Variants in PDE6C observed in about 807,000 individuals in gnomAD.
The protein encoded by PDE6C is phosphodiesterase 6C.
In PDE6C, 75 loss-of-function variants were observed where a neutral mutation model predicts 113.1. The observed-to-expected ratio is 0.66, with a 90% CI of 0.55 to 0.80. The LOEUF (loss-of-function observed/expected upper bound fraction) is 0.80, where lower values mean the gene tolerates loss of function less well. Ranked by LOEUF, PDE6C falls within the 30% of genes least tolerant of loss-of-function variation. The probability of loss-of-function intolerance (pLI) is 0.00; values close to 1 mark genes in which losing one functional copy is unlikely to be tolerated. For synonymous variants in PDE6C, 375 were observed against 363.7 expected (o/e 1.03, Z -0.35); for missense variants, 912 against 1,038.6 (o/e 0.88, Z 1.67).
At position 93,629,481 on chromosome 10, in the gene PDE6C, G is replaced by A. The variant is rs917773198; in HGVS notation, c.1119+176G>A. On this transcript the variant is annotated intron_variant, in intron 8 of 21. Coordinates refer to ENST00000371447, the MANE Select transcript of PDE6C (RefSeq NM_006204.4). ...GCAAGTAGCAGATTCTTCAGTGAAG[G>A]AAGAAAAGAAGGTTAAGACAGAAGG... 4.9e-4 allele frequency among the ~76,000 whole-genome samples: 75 copies of A among 152,264 alleles called. 1 individual carries two copies. The highest frequency in any genetic ancestry group is 2.1e-4 in the South Asian group (1 of 4,830).
At chr10:93,639,008 A>G (rs1355085298) in intron 11 of PDE6C, among the ~76,000 whole-genome samples, 1 of 152,186 alleles carries the variant, frequency 6.6e-6, no homozygotes, top group Non-Finnish European at 1.5e-5. Flanking sequence ...CCCTTTCCCT[A>G]TGTTTGTGTC....
At chr10:93,622,975 A>G (rs977656820) in intron 4 of PDE6C, among the ~76,000 whole-genome samples, 1 of 152,164 alleles carries the variant, frequency 6.6e-6, no homozygotes, top group East Asian at 1.9e-4. Context: ...TTTCAACTCA[A>G]TTGGGTAAAT....
chr10:93,640,691 G>A, intron 13 of PDE6C, 134 bp downstream of exon 13: 1 of 757,536 alleles, frequency 1.3e-6, no homozygotes, highest in East Asian at 2.6e-5. Flanking sequence ...CGCTGCAGAT[G>A]AGTCCCAGTA....
chr10:93,620,738 C>G lies in PDE6C; in HGVS notation c.587C>G (p.Ala196Gly), dbSNP rs1297759325. 1 of 1,614,090 alleles carries G rather than the reference C, an allele frequency of 6.2e-7. No individual in the cohort carries two copies. The highest frequency in any genetic ancestry group is 8.5e-7 in the Non-Finnish European group (1 of 1,180,012). Reference protein sequence around the residue: ...VGKEVLAVIMAVNKVNASEFS... With the variant: ...VGKEVLAVIMGVNKVNASEFS... ...AAGGAGGTTCTTGCTGTGATCATGG[C>G]AGTTAACAAAGTAAATGCATCTGAA... Residue 196 changes from alanine to glycine, a missense_variant, in exon 2 of 22, where the codon GCA (alanine) becomes GGA (glycine). By Grantham distance (60) the Ala-to-Gly change is moderately conservative (BLOSUM62 0). Transcript: ENST00000371447.
intron 15 of PDE6C, among the ~76,000 whole-genome samples, chr10:93,650,553 AT>A (rs1200437019): frequency 2.6e-5 from 4 of 151,926 alleles, no homozygotes; most frequent in Admixed American, 6.6e-5. Context: ...CAGTCAATTC[AT>A]TTTTTTTCAT....
chr10:93,630,024 C>A (rs4919340), intron 8 of PDE6C, among the ~76,000 whole-genome samples: 1 of 151,994 alleles, frequency 6.6e-6, no homozygotes, highest in Non-Finnish European at 1.5e-5. Context: ...GGCTGGCTAC[C>A]TCCTACATCC....
chr10:93,665,154 C>T (rs897782477), intron 21 of PDE6C, among the ~76,000 whole-genome samples: 1 of 152,198 alleles, frequency 6.6e-6, no homozygotes, highest in Non-Finnish European at 1.5e-5. Flanking sequence ...CAGGCAGGAG[C>T]CACTGCACCT....
chr10:93,643,500 C>T (rs1212281771), intron 14 of PDE6C, among the ~76,000 whole-genome samples: 2 of 152,048 alleles, frequency 1.3e-5, no homozygotes, highest in Non-Finnish European at 2.9e-5. Context: ...GCAATCCTCT[C>T]ACCTCAGCCT....
intron 16 of PDE6C, among the ~76,000 whole-genome samples, chr10:93,658,183 A>G (rs551037494): frequency 3.0e-4 from 43 of 145,046 alleles, no homozygotes; most frequent in African/African-American, 2.6e-5. Context: ...AAAAAAAAAA[A>G]AAAAAAAAAG....
chr10:93,621,524 T>TC, intron 3 of PDE6C, among the ~76,000 whole-genome samples: 1 of 152,276 alleles, frequency 6.6e-6, no homozygotes, highest in East Asian at 1.9e-4. Context: ...ACTCTCCAGG[T>TC]AAGGTTACCT....
intron 11 of PDE6C, among the ~76,000 whole-genome samples, chr10:93,637,342 T>C (rs2058538434): frequency 6.6e-6 from 1 of 152,170 alleles, no homozygotes; most frequent in African/African-American, 2.4e-5. Flanking sequence ...TCTAGGGATA[T>C]CAAGGCACAG....
intron 15 of PDE6C, among the ~76,000 whole-genome samples, chr10:93,654,810 C>CT (rs57025205): frequency 0.046 from 3,550 of 77,098 alleles, 111 homozygotes; most frequent in Middle Eastern, 0.087. Context: ...TTCTTTCTTT[C>CT]TTTTTTTTTT....
chr10:93,656,174 A>G (rs2058637346), intron 16 of PDE6C, among the ~76,000 whole-genome samples: 1 of 152,214 alleles, frequency 6.6e-6, no homozygotes, highest in African/African-American at 2.4e-5. Context: ...GTGCCTTGTC[A>G]AAAGAGTGAA....
At position 93,635,554 on chromosome 10, in the gene PDE6C, A is replaced by T. The variant is rs751550482; in HGVS notation, c.1327A>T (p.Asn443Tyr). ...LLNTDTYDKM[N>Y]KLENRKDIAQ... ...AAATACTGACACCTACGATAAGATG[A>T]ATAAGCTAGAAAACAGAAAGGACAT... The change falls in exon 10 of 22, where the codon AAT (asparagine) becomes TAT (tyrosine). Residue 443 changes from asparagine to tyrosine, a missense_variant. Asn to Tyr is a moderately radical substitution (Grantham distance 143). Coordinates refer to ENST00000371447, the MANE Select transcript of PDE6C (RefSeq NM_006204.4). The T allele has an allele frequency of 6.2e-7, 1 of 1,613,098 alleles. No individual in the cohort carries two copies. Among genetic ancestry groups the T allele is most frequent in the Non-Finnish European group, 8.5e-7 (1 of 1,179,034 alleles).
chr10:93,650,389 G>T (rs768589370), intron 15 of PDE6C, among the ~76,000 whole-genome samples: 14 of 152,114 alleles, frequency 9.2e-5, no homozygotes, highest in Admixed American at 6.6e-4. Context: ...TGGGACTACA[G>T]ACATGAGTCT....
chr10:93,658,701 G>T (rs1345278213), intron 16 of PDE6C, among the ~76,000 whole-genome samples, 200 bp from the exon 17 acceptor site: 1 of 151,458 alleles, frequency 6.6e-6, no homozygotes, highest in African/African-American at 2.4e-5. Flanking sequence ...TGTATGGTTT[G>T]TGCTTTTTCT....
chr10:93,621,885 A>G (rs370446480), intron 3 of PDE6C, 47 bp from the exon 4 acceptor site: 15 of 1,563,018 alleles, frequency 9.6e-6, no homozygotes, highest in Non-Finnish European at 1.2e-5. Context: ...CTATCTCTCC[A>G]TAGCATACTT....
chr10:93,620,471 G>C (rs1442379655), intron 1 of PDE6C, among the ~76,000 whole-genome samples, 161 bp from the exon 2 acceptor site: 2 of 152,144 alleles, frequency 1.3e-5, no homozygotes, highest in African/African-American at 4.8e-5. Context: ...GCAGTCATAG[G>C]ATGGCAGGTG....
rs184271058 is a variant in PDE6C, at chr10:93,621,073, G to A, written c.723+93G>A. 2.0e-4 allele frequency: 203 copies of A among 1,014,222 alleles called. 2 individuals carry two copies. The African/African-American group carries it at 2.6e-3, about 13-fold the overall frequency. 62.8% of individuals were successfully genotyped at this position (1,014,222 alleles called of 1,614,324 possible). On this transcript the variant is annotated intron_variant, in intron 3 of 21. Transcript: ENST00000371447. ...ATTCAGACCCCTCCTATTCCTCCTG[G>A]GGGTGTAAGCCACGTGGAACAGATC...
Sources: allele counts gnomAD v4.1 joint callset (sites outside exome capture counted in the v4.1 genomes callset), GRCh38; gene constraint gnomAD v4.1.1; transcripts MANE v1.5; gene names NCBI Gene and HGNC (gene_info 2026-07-23, HGNC 2026-07-21).